PCDH9: variants seen among roughly 807,000 people sequenced by gnomAD.
PCDH9 encodes the protein protocadherin 9, also known as protocadherin-9.
A neutral mutation model predicts 70.6 loss-of-function variants in PCDH9; 24 were observed. That is an observed-to-expected ratio of 0.34 (90% CI 0.25 to 0.48). The LOEUF (loss-of-function observed/expected upper bound fraction) is 0.48. Among genes scored for constraint, PCDH9 ranks in the 20% least tolerant of loss-of-function variants. The pLI is 0.99. For synonymous variants in PCDH9, 562 were observed against 558.5 expected (o/e 1.01, Z -0.09); for missense variants, 1,281 against 1,503.6 (o/e 0.85, Z 2.45).
chr13:66,535,929 A>G (rs1236849925), intron 4 of PCDH9, among the ~76,000 whole-genome samples: 1 of 152,076 alleles, frequency 6.6e-6, no homozygotes, highest in Non-Finnish European at 1.5e-5. Context: ...CAGAAGTAAG[A>G]AAGTTTCAAA....
intron 3 of PCDH9, among the ~76,000 whole-genome samples, chr13:66,846,497 TTC>T (rs1353671471): frequency 6.6e-6 from 1 of 152,154 alleles, no homozygotes; most frequent in Non-Finnish European, 1.5e-5. Context: ...ATGTAAATAT[TTC>T]TTTCATATTT....
At chr13:66,885,858 A>G (rs369501887) in intron 3 of PCDH9, 1 of 152,278 alleles carries the variant, frequency 6.6e-6, no homozygotes, top group South Asian at 2.1e-4. Context: ...TCTTCTCACG[A>G]AACTGTTTTC....
At chr13:66,673,940 C>T (rs557273545) in intron 3 of PCDH9, among the ~76,000 whole-genome samples, 167 of 152,130 alleles carry the variant, frequency 1.1e-3, no homozygotes, top group African/African-American at 3.7e-3. Context: ...CAGTCTCTTG[C>T]TACAAAATTA....
chr13:66,402,139 C>A (rs879604477), intron 4 of PCDH9, among the ~76,000 whole-genome samples: 4 of 151,960 alleles, frequency 2.6e-5, no homozygotes, highest in Non-Finnish European at 4.4e-5. Context: ...TGGCTTTCTG[C>A]CTTTGGAATT....
intron 3 of PCDH9, among the ~76,000 whole-genome samples, chr13:66,781,000 T>C (rs977870090): frequency 3.3e-5 from 5 of 152,006 alleles, no homozygotes; most frequent in African/African-American, 1.2e-4. Flanking sequence ...GCGGGTGGGG[T>C]GCATTTCAAG....
chr13:67,172,264 T>C (rs1207547316), intron 2 of PCDH9, among the ~76,000 whole-genome samples: 2 of 152,210 alleles, frequency 1.3e-5, no homozygotes, highest in African/African-American at 2.4e-5. Context: ...AGGCACACTT[T>C]TCTGCTTAGC....
intron 3 of PCDH9, among the ~76,000 whole-genome samples, chr13:66,838,286 AACTGAGTAGTACCATGC>A (rs1287620075): frequency 6.6e-6 from 1 of 152,096 alleles, no homozygotes; most frequent in Non-Finnish European, 1.5e-5. Context: ...CAGCAAAATC[AACTGAGTAGTACCATGC>A]ACATTACACT....
chr13:66,366,414 T>G (rs896217180), intron 4 of PCDH9, among the ~76,000 whole-genome samples: 1 of 152,062 alleles, frequency 6.6e-6, no homozygotes, highest in Non-Finnish European at 1.5e-5. Flanking sequence ...TATTTTTCTC[T>G]TCTAGGACGC....
intron 4 of PCDH9, among the ~76,000 whole-genome samples, chr13:66,564,148 T>G (rs930236105): frequency 2.0e-5 from 3 of 152,110 alleles, no homozygotes; most frequent in African/African-American, 7.2e-5. Flanking sequence ...GACCACTTGT[T>G]TCAATGTTTT....
intron 4 of PCDH9, among the ~76,000 whole-genome samples, chr13:66,443,569 AT>A (rs1566329080): frequency 6.6e-6 from 1 of 152,052 alleles, no homozygotes; most frequent in African/African-American, 2.4e-5. Flanking sequence ...ATTTTCATGT[AT>A]TTTTTTCAAC....
At chr13:66,982,234 C>T (rs1360516412) in intron 2 of PCDH9, among the ~76,000 whole-genome samples, 1 of 152,156 alleles carries the variant, frequency 6.6e-6, no homozygotes, top group African/African-American at 2.4e-5. Flanking sequence ...GATGTCAGCC[C>T]CATGCTTGTA....
intron 4 of PCDH9, among the ~76,000 whole-genome samples, chr13:66,564,865 G>T (rs965985799): frequency 6.2e-4 from 92 of 147,280 alleles, no homozygotes; most frequent in African/African-American, 2.1e-3. Flanking sequence ...ATAATGTAGG[G>T]TTTTTTTTTT....
At chr13:67,109,977 G>A (rs2086622774) in intron 2 of PCDH9, among the ~76,000 whole-genome samples, 1 of 151,978 alleles carries the variant, frequency 6.6e-6, no homozygotes, top group Admixed American at 6.6e-5. Context: ...CTTATTTTGT[G>A]TACTAAATTT....
At chr13:67,138,948 A>G (rs1392226845) in intron 2 of PCDH9, among the ~76,000 whole-genome samples, 2 of 152,232 alleles carry the variant, frequency 1.3e-5, no homozygotes, top group African/African-American at 2.4e-5. Flanking sequence ...GTAAAACAAT[A>G]TCAACAGTAT....
chr13:66,849,707 G>A (rs2081283753), intron 3 of PCDH9, among the ~76,000 whole-genome samples: 1 of 152,108 alleles, frequency 6.6e-6, no homozygotes, highest in South Asian at 2.1e-4. Flanking sequence ...GCAGAAATCA[G>A]AGGTGTGTAA....
At chr13:67,002,393 A>T (rs2084262513) in intron 2 of PCDH9, among the ~76,000 whole-genome samples, 1 of 152,004 alleles carries the variant, frequency 6.6e-6, no homozygotes, top group Non-Finnish European at 1.5e-5. Context: ...CTTATAATCT[A>T]GGCATATACG....
chr13:66,836,802 G>C (rs1036475505), intron 3 of PCDH9, among the ~76,000 whole-genome samples: 1 of 151,950 alleles, frequency 6.6e-6, no homozygotes, highest in East Asian at 1.9e-4. Context: ...TAAAATCCTC[G>C]GTCAGATTTT....
intron 3 of PCDH9, 75 bp downstream of exon 3, chr13:66,903,429 G>A: frequency 1.7e-6 from 1 of 575,886 alleles, no homozygotes; most frequent in Non-Finnish European, 3.2e-6. Context: ...TACTAATTAA[G>A]ATAGAGTATT....
chr13:67,014,641 A>G (rs1474577632), intron 2 of PCDH9, among the ~76,000 whole-genome samples: 2 of 152,056 alleles, frequency 1.3e-5, no homozygotes, highest in Non-Finnish European at 2.9e-5. Context: ...CCAATCCTTC[A>G]GCAGGTGACC....
Sources: gnomAD v4.1 joint callset for allele counts (sites outside exome capture counted in the v4.1 genomes callset) on GRCh38, gnomAD v4.1.1 for gene constraint, MANE v1.5 for transcripts, NCBI Gene and HGNC (gene_info 2026-07-23, HGNC 2026-07-21) for gene names.